DIAPH3: variants seen among roughly 807,000 people sequenced by gnomAD.
The protein encoded by DIAPH3 is diaphanous related formin 3, also known as protein diaphanous homolog 3.
DIAPH3 carries 117 observed loss-of-function variants against 144.3 expected under a neutral mutation model. The observed-to-expected ratio is 0.81, with a 90% CI of 0.70 to 0.95. The LOEUF is 0.95. Among genes scored for constraint, DIAPH3 ranks in the 40% least tolerant of loss-of-function variants. DIAPH3 has a pLI of 0.00. For missense variants in DIAPH3, 1,421 were observed against 1,412.7 expected (o/e 1.01, Z -0.09); for synonymous variants, 519 against 488.9 (o/e 1.06, Z -0.81).
intron 1 of DIAPH3, among the ~76,000 whole-genome samples, chr13:60,145,881 AACAT>A (rs1175258100): frequency 1.4e-4 from 21 of 152,190 alleles, no homozygotes; most frequent in African/African-American, 5.1e-4. Flanking sequence ...TTCAGACTGA[AACAT>A]AAGCCAAAAT....
chr13:59,729,441 A>G (rs1186105914), intron 27 of DIAPH3, among the ~76,000 whole-genome samples: 1 of 152,092 alleles, frequency 6.6e-6, no homozygotes, highest in African/African-American at 2.4e-5. Flanking sequence ...AATTTGTACT[A>G]CAGCTGCTCC....
At chr13:59,971,530 A>C (rs1160979853) in intron 15 of DIAPH3, among the ~76,000 whole-genome samples, 1 of 152,154 alleles carries the variant, frequency 6.6e-6, no homozygotes, top group Non-Finnish European at 1.5e-5. Flanking sequence ...TAGTATGGAG[A>C]GAATATGTAG....
intron 27 of DIAPH3, among the ~76,000 whole-genome samples, chr13:59,748,197 G>C (rs1164789448): frequency 6.6e-6 from 1 of 152,148 alleles, no homozygotes; most frequent in Non-Finnish European, 1.5e-5. Flanking sequence ...CTTGATATTA[G>C]AGCACTCCTC....
chr13:59,999,149 C>T (rs1344016927), intron 9 of DIAPH3, among the ~76,000 whole-genome samples: 1 of 152,022 alleles, frequency 6.6e-6, no homozygotes, highest in African/African-American at 2.4e-5. Context: ...TCCAGAAAGG[C>T]ATTTAACCTC....
In DIAPH3 at chr13:60,163,885, A is replaced by T; in HGVS notation, c.-119T>A. The T allele has an allele frequency of 1.5e-6, 2 of 1,291,976 alleles. No individual in the cohort carries two copies. The highest frequency in any genetic ancestry group is 2.1e-6 in the Non-Finnish European group (2 of 958,514). The allele number at this position is 1,291,976 out of a possible 1,614,324, so 80.0% of individuals were successfully genotyped here. On this transcript the variant is annotated 5_prime_UTR_variant, in exon 1 of 28. Transcript: ENST00000400324. ...GGTCCGCCACCCAAACAGTCAGCAC[A>T]GCCTAGCCCAACCGCTGAAGTCGGG...
intron 27 of DIAPH3, among the ~76,000 whole-genome samples, chr13:59,765,992 G>C (rs1034442527): frequency 6.6e-6 from 1 of 152,200 alleles, no homozygotes; most frequent in Admixed American, 6.5e-5. Context: ...TACAACAGCA[G>C]AAACACTGGT....
chr13:59,801,087 C>T (rs2039878102), intron 25 of DIAPH3, among the ~76,000 whole-genome samples: 1 of 152,092 alleles, frequency 6.6e-6, no homozygotes, highest in South Asian at 2.1e-4. Context: ...ATCTAATTAG[C>T]CTTGAAAACA....
chr13:60,010,493 A>G (rs2053167701), intron 8 of DIAPH3, 40 bp downstream of exon 8: 1 of 1,521,134 alleles, frequency 6.6e-7, no homozygotes, highest in African/African-American at 1.4e-5. Context: ...ATCTGTATTA[A>G]ATTATTATAT....
intron 1 of DIAPH3, among the ~76,000 whole-genome samples, chr13:60,137,700 A>C (rs1399519455): frequency 6.6e-6 from 1 of 152,024 alleles, no homozygotes; most frequent in Non-Finnish European, 1.5e-5. Flanking sequence ...TAGCATTTTT[A>C]AATAATCTTT....
intron 27 of DIAPH3, among the ~76,000 whole-genome samples, chr13:59,715,254 T>C (rs1172860409): frequency 6.6e-6 from 1 of 152,144 alleles, no homozygotes; most frequent in African/African-American, 2.4e-5. Flanking sequence ...ACAGCACAAA[T>C]TATCTGCTTT....
intron 27 of DIAPH3, among the ~76,000 whole-genome samples, chr13:59,757,152 A>C (rs2037320360): frequency 6.6e-6 from 1 of 152,142 alleles, no homozygotes; most frequent in South Asian, 2.1e-4. Context: ...ATTCTGAGAC[A>C]CATCCAGTGT....
At chr13:59,874,564 C>T (rs930053701) in intron 21 of DIAPH3, among the ~76,000 whole-genome samples, 1 of 152,146 alleles carries the variant, frequency 6.6e-6, no homozygotes, top group Non-Finnish European at 1.5e-5. Context: ...ACGCCCATAG[C>T]CCCATTACCA....
chr13:60,073,153 A>T (rs1288129036), intron 4 of DIAPH3, among the ~76,000 whole-genome samples: 1 of 152,056 alleles, frequency 6.6e-6, no homozygotes, highest in Non-Finnish European at 1.5e-5. Context: ...TACTATAAAT[A>T]CAAAAATTAG....
chr13:59,770,944 A>C (rs1391298116), intron 27 of DIAPH3, among the ~76,000 whole-genome samples: 1 of 152,152 alleles, frequency 6.6e-6, no homozygotes, highest in Non-Finnish European at 1.5e-5. Flanking sequence ...CCAAAGCAAA[A>C]GATAACAGGT....
rs140369305 is a variant in DIAPH3, at chr13:59,847,990, A to C, written c.2738-8542T>G. Among the ~76,000 whole-genome samples the C allele has an allele frequency of 5.9e-5, 9 of 152,258 alleles. No individual in the cohort carries two copies. The East Asian group carries it at 1.5e-3, about 26-fold the overall frequency. On this transcript the variant is annotated intron_variant, in intron 22 of 27. Transcript: ENST00000400324. ...ACATCGCAGTAAATCATTAGTTTTT[A>C]TAACTCTTTTCTCTTTCATGCCGCA...
chr13:59,818,671 G>A (rs1354339878), intron 24 of DIAPH3, among the ~76,000 whole-genome samples: 1 of 151,766 alleles, frequency 6.6e-6, no homozygotes, highest in Non-Finnish European at 1.5e-5. Context: ...CTTTATACAA[G>A]TGGTAGGCCT....
Position 60,163,735 on chromosome 13 carries a change from G to A in DIAPH3, c.32C>T (p.Pro11Leu). MERHQPRLHH[P>L]AQGSAAGTPY... ...AGTCCCAGCGGCTGAGCCTTGGGCC[G>A]GGTGGTGCAGCCGCGGCTGGTGCCG... The change falls in exon 1 of 28, where the codon CCG becomes CTG. Residue 11 changes from proline to leucine, a missense_variant. Physicochemically the swap from Pro to Leu is moderately conservative, Grantham distance 98. Transcript: ENST00000400324. 1 of 1,604,704 alleles carries A rather than the reference G, an allele frequency of 6.2e-7. No individual in the cohort carries two copies. The highest frequency in any genetic ancestry group is 8.5e-7 in the Non-Finnish European group (1 of 1,176,008).
At chr13:59,733,629 T>G (rs1176083892) in intron 27 of DIAPH3, among the ~76,000 whole-genome samples, 1 of 152,224 alleles carries the variant, frequency 6.6e-6, no homozygotes, top group Admixed American at 6.5e-5. Flanking sequence ...GCCATCGCCC[T>G]TTAGGTTTCT....
At chr13:59,876,478 A>C (rs902316710) in intron 21 of DIAPH3, among the ~76,000 whole-genome samples, 1 of 152,228 alleles carries the variant, frequency 6.6e-6, no homozygotes, top group Non-Finnish European at 1.5e-5. Flanking sequence ...TGCATTTGTA[A>C]AAGATTTAAA....
Sources: gnomAD v4.1 joint callset for allele counts (sites outside exome capture counted in the v4.1 genomes callset) on GRCh38, gnomAD v4.1.1 for gene constraint, MANE v1.5 for transcripts, NCBI Gene and HGNC (gene_info 2026-07-23, HGNC 2026-07-21) for gene names.